Variants in ANTXR2 observed in about 807,000 individuals in gnomAD.
ANTXR2 encodes anthrax toxin receptor 2.
A neutral mutation model predicts 73.7 loss-of-function variants in ANTXR2; 44 were observed. The ratio of observed to expected loss-of-function variants is 0.60; its 90% confidence interval spans 0.47 to 0.77. The LOEUF is 0.77. Ranked by LOEUF, ANTXR2 falls within the 30% of genes least tolerant of loss-of-function variation. The probability of loss-of-function intolerance (pLI) is 0.00; values close to 1 mark genes in which losing one functional copy is unlikely to be tolerated. For synonymous variants in ANTXR2, 217 were observed against 205.9 expected (o/e 1.05, Z -0.46); for missense variants, 604 against 592.5 (o/e 1.02, Z -0.20).
At chr4:79,959,550 T>C (rs1729066845) in intron 16 of ANTXR2, among the ~76,000 whole-genome samples, 1 of 152,214 alleles carries the variant, frequency 6.6e-6, no homozygotes, top group South Asian at 2.1e-4. Context: ...TTATGTTATC[T>C]GATGGCATAG....
intron 12 of ANTXR2, among the ~76,000 whole-genome samples, chr4:79,987,145 G>A (rs1026369631): frequency 2.0e-5 from 3 of 151,990 alleles, no homozygotes; most frequent in South Asian, 4.2e-4. Context: ...TGAAATGTCT[G>A]AAATGACAGA....
At chr4:80,022,970 A>G (rs1338643885) in intron 10 of ANTXR2, among the ~76,000 whole-genome samples, 1 of 152,128 alleles carries the variant, frequency 6.6e-6, no homozygotes, top group Admixed American at 6.5e-5. Context: ...ACAACACAAT[A>G]CCTGGGACAC....
chr4:79,974,584 A>T (rs2110007874), intron 16 of ANTXR2, among the ~76,000 whole-genome samples: 1 of 152,040 alleles, frequency 6.6e-6, no homozygotes, highest in East Asian at 1.9e-4. Flanking sequence ...TTTACAATTC[A>T]TATATATTAA....
chr4:79,944,789 C>T (rs1402230263), intron 16 of ANTXR2, among the ~76,000 whole-genome samples: 2 of 152,088 alleles, frequency 1.3e-5, no homozygotes, highest in Non-Finnish European at 2.9e-5. Flanking sequence ...CTCTTCTGCC[C>T]TTTTGAATCT....
chr4:80,010,522 A>T (rs2110058854), intron 11 of ANTXR2, among the ~76,000 whole-genome samples: 1 of 152,316 alleles, frequency 6.6e-6, no homozygotes, highest in South Asian at 2.1e-4. Flanking sequence ...AGCTTTCAAA[A>T]GGGCTCTATG....
At chr4:79,945,916 T>A (rs1212798310) in intron 16 of ANTXR2, among the ~76,000 whole-genome samples, 1 of 152,114 alleles carries the variant, frequency 6.6e-6, no homozygotes, top group Non-Finnish European at 1.5e-5. Context: ...AAAGTAAGTT[T>A]TTTCAAAGTA....
chr4:80,036,162 C>G (rs1206271817), intron 7 of ANTXR2, 130 bp from the exon 8 acceptor site: 1 of 741,642 alleles, frequency 1.3e-6, no homozygotes, highest in Non-Finnish European at 2.2e-6. Context: ...AATCTATTAA[C>G]TATAGCGTGT....
intron 16 of ANTXR2, among the ~76,000 whole-genome samples, chr4:79,933,202 C>G (rs1261515806): frequency 6.6e-6 from 1 of 151,936 alleles, no homozygotes; most frequent in East Asian, 1.9e-4. Flanking sequence ...ATATAAAAAC[C>G]AATAATGGCA....
intron 16 of ANTXR2, among the ~76,000 whole-genome samples, chr4:79,931,032 G>T (rs1263187002): frequency 6.6e-6 from 1 of 152,094 alleles, no homozygotes; most frequent in Non-Finnish European, 1.5e-5. Context: ...TTCCTAAATA[G>T]AATTGTAATA....
chr4:79,954,654 T>C (rs1257138299), intron 16 of ANTXR2, among the ~76,000 whole-genome samples: 1 of 152,130 alleles, frequency 6.6e-6, no homozygotes, highest in East Asian at 1.9e-4. Context: ...TAATTCAGGA[T>C]TTTGTTCTAT....
chr4:79,937,064 TAATA>T (rs145348155), intron 16 of ANTXR2, among the ~76,000 whole-genome samples: 69,955 of 151,520 alleles, frequency 0.46, 17,854 homozygotes, highest in Non-Finnish European at 0.57. Flanking sequence ...TTTTTACTTT[TAATA>T]AATACATTAG....
intron 14 of ANTXR2, among the ~76,000 whole-genome samples, chr4:79,979,748 C>G (rs1206705034): frequency 1.3e-5 from 2 of 152,056 alleles, no homozygotes; most frequent in African/African-American, 4.8e-5. Context: ...GTGTCATCAC[C>G]TGGATAAACT....
chr4:79,905,543 T>C lies in ANTXR2; in HGVS notation c.*1886A>G, dbSNP rs550348630. 3.3e-5 allele frequency: 5 copies of C among 152,322 alleles called. No homozygotes were observed. Among genetic ancestry groups the C allele is most frequent in the African/African-American group, 1.2e-4 (5 of 41,576 alleles). 9.4% of individuals were successfully genotyped at this position (152,322 alleles called of 1,614,324 possible). Reference sequence around the variant, plus strand: ...TCAACCCAAGAAGGCATTAGCTTTATGTGGGCTTAAAGAAATGGTAGCACA... The same window carrying C: ...TCAACCCAAGAAGGCATTAGCTTTACGTGGGCTTAAAGAAATGGTAGCACA... On this transcript the variant is annotated 3_prime_UTR_variant, in exon 17 of 17. Transcript: ENST00000403729.
chr4:80,072,086 T>G (rs1734815819), intron 1 of ANTXR2, among the ~76,000 whole-genome samples: 1 of 151,998 alleles, frequency 6.6e-6, no homozygotes, highest in African/African-American at 2.4e-5. Context: ...AGGAGGTGGG[T>G]AAGGACTCTG....
intron 16 of ANTXR2, among the ~76,000 whole-genome samples, chr4:79,951,400 T>G (rs1392679852): frequency 3.9e-5 from 6 of 151,944 alleles, no homozygotes; most frequent in Admixed American, 3.3e-4. Context: ...GCCAACATGG[T>G]GAAACCCTGT....
intron 10 of ANTXR2, among the ~76,000 whole-genome samples, chr4:80,021,190 C>G (rs953925340): frequency 6.7e-6 from 1 of 149,004 alleles, no homozygotes; most frequent in African/African-American, 2.5e-5. Flanking sequence ...TAGCTAAATC[C>G]AGAAGAGAAT....
chr4:80,040,419 C>G (rs1733178010), intron 7 of ANTXR2, among the ~76,000 whole-genome samples: 1 of 152,044 alleles, frequency 6.6e-6, no homozygotes, highest in Non-Finnish European at 1.5e-5. Context: ...ATATTACTGA[C>G]TGAACATTGG....
At chr4:79,909,839 G>C (rs183066103) in intron 16 of ANTXR2, among the ~76,000 whole-genome samples, 1 of 152,062 alleles carries the variant, frequency 6.6e-6, no homozygotes, top group Non-Finnish European at 1.5e-5. Flanking sequence ...AGGTGACTTC[G>C]GGAAATCTGT....
intron 16 of ANTXR2, among the ~76,000 whole-genome samples, chr4:79,949,660 C>G (rs772174199): frequency 2.6e-5 from 4 of 152,060 alleles, no homozygotes; most frequent in African/African-American, 4.8e-5. Flanking sequence ...TCACAACTTA[C>G]CAGCTGTTTA....
Sources: allele counts gnomAD v4.1 joint callset (sites outside exome capture counted in the v4.1 genomes callset), GRCh38; gene constraint gnomAD v4.1.1; transcripts MANE v1.5; gene names NCBI Gene and HGNC (gene_info 2026-07-23, HGNC 2026-07-21).